OPRM1: variants seen among roughly 807,000 people sequenced by gnomAD.
OPRM1 encodes mu-type opioid receptor.
Under a neutral mutation model 31.8 loss-of-function variants are expected in OPRM1, and 27 were observed. The ratio of observed to expected loss-of-function variants is 0.85; its 90% CI spans 0.63 to 1.17. The LOEUF (loss-of-function observed/expected upper bound fraction) is 1.17. Ranked by LOEUF, OPRM1 falls within the 50% of genes most tolerant of loss-of-function variation. OPRM1 has a pLI of 0.00. For synonymous variants in OPRM1, 196 were observed against 189.9 expected (o/e 1.03, Z -0.26); for missense variants, 536 against 511.1 (o/e 1.05, Z -0.47).
In OPRM1 at chr6:154,141,527, G is replaced by A. The variant is rs529646885; in HGVS notation, c.1164+50055G>A. 2.0e-5 allele frequency among the ~76,000 whole-genome samples: 3 copies of A among 152,354 alleles called. No individual in the cohort carries two copies. In the South Asian group the frequency reaches 6.2e-4, roughly 32 times the overall value. On this transcript the variant is annotated intron_variant, in intron 3 of 3. Coordinates refer to the OPRM1 transcript ENST00000337049. ...TAATGTATCAAGTTTATCTTGCAGA[G>A]GTTGAGGATGTGCAGCTGTGACACA... is the stretch of plus-strand genomic sequence containing the variant.
chr6:154,212,886 T>C (rs1778078676), intron 3 of OPRM1: 4 of 1,440,300 alleles, frequency 2.8e-6, no homozygotes. Flanking sequence ...CTTAATGTTT[T>C]AACGCTGTCA....
intron 3 of OPRM1, among the ~76,000 whole-genome samples, chr6:154,232,411 G>A (rs1405385911): frequency 6.6e-6 from 1 of 152,200 alleles, no homozygotes; most frequent in East Asian, 1.9e-4. Context: ...ATATGCCAGT[G>A]AGGTAGTACT....
chr6:154,052,640 G>A (rs190593616), intron 1 of OPRM1, among the ~76,000 whole-genome samples: 2 of 152,282 alleles, frequency 1.3e-5, no homozygotes, highest in East Asian at 1.9e-4. Flanking sequence ...CTGCCCACAA[G>A]CTGTCATTTG....
exon 1 of OPRM1, chr6:154,010,651 T>C: frequency 6.7e-7 from 1 of 1,489,744 alleles, no homozygotes. Flanking sequence ...TCCTGAAAAC[T>C]CACTGGAAGA....
intron 1 of OPRM1, among the ~76,000 whole-genome samples, chr6:154,081,693 C>T (rs1007793191): frequency 6.6e-6 from 1 of 152,160 alleles, no homozygotes; most frequent in Non-Finnish European, 1.5e-5. Context: ...CCTACTTCGA[C>T]GTGGTCAGAG....
intron 1 of OPRM1, among the ~76,000 whole-genome samples, chr6:154,066,495 GA>G (rs1408676186): frequency 2.6e-5 from 4 of 151,900 alleles, no homozygotes; most frequent in Non-Finnish European, 5.9e-5. Context: ...GAGGTGTTAT[GA>G]ATTGAATTAT....
At position 154,120,864 on chromosome 6, in the gene OPRM1, T is replaced by C. The variant is rs571862741; in HGVS notation, c.*2143T>C. Among the ~76,000 whole-genome samples the C allele has an allele frequency of 6.6e-6, 1 of 152,322 alleles. No individual in the cohort carries two copies. Among genetic ancestry groups the C allele is most frequent in the Non-Finnish European group, 1.5e-5 (1 of 68,016 alleles). On this transcript the variant is annotated 3_prime_UTR_variant, in exon 4 of 4. Coordinates refer to ENST00000330432, the MANE Select transcript of OPRM1 (RefSeq NM_000914.5). ...TCTATCTTTTTCCACAAATGTCATG[T>C]GTGTGAACAAGTTTCTTCCATGTCA...
chr6:154,028,104 AT>A (rs1279386173), intron 1 of OPRM1, among the ~76,000 whole-genome samples: 1 of 152,184 alleles, frequency 6.6e-6, no homozygotes, highest in African/African-American at 2.4e-5. Flanking sequence ...ACTTGAAGCC[AT>A]CAAGTTTCCA....
chr6:154,114,162 C>T (rs73790433), intron 3 of OPRM1, among the ~76,000 whole-genome samples: 3 of 152,184 alleles, frequency 2.0e-5, no homozygotes, highest in Non-Finnish European at 4.4e-5. Flanking sequence ...AGATAAGGCA[C>T]GTATTGTCTC....
Position 154,122,611 on chromosome 6 carries a change from T to A in OPRM1, c.*3890T>A, listed in dbSNP as rs1039058317. Among the ~76,000 whole-genome samples the A allele has an allele frequency of 6.6e-6, 1 of 152,176 alleles. No homozygotes were observed. Among genetic ancestry groups the A allele is most frequent in the Non-Finnish European group, 1.5e-5 (1 of 68,014 alleles). ...AACCCATAGTCAGTGTTCTTCACTG[T>A]CTTCAAAAATATAAAAAGTACAAGG... On this transcript the variant is annotated 3_prime_UTR_variant, in exon 4 of 4. Transcript: ENST00000330432.
downstream of OPRM1, among the ~76,000 whole-genome samples, chr6:154,133,529 A>C (rs1797983985): frequency 6.6e-6 from 1 of 152,212 alleles, no homozygotes; most frequent in African/African-American, 2.4e-5. Context: ...ATTTGTCTGG[A>C]GTATTTATCT....
At chr6:154,210,929 A>C (rs1052495773) in intron 3 of OPRM1, among the ~76,000 whole-genome samples, 2 of 152,250 alleles carry the variant, frequency 1.3e-5, no homozygotes, top group Non-Finnish European at 2.9e-5. Flanking sequence ...GTGAAAAAAC[A>C]GTAGAGGTCA....
chr6:154,223,113 A>G, intron 3 of OPRM1: 1 of 1,312,180 alleles, frequency 7.6e-7, no homozygotes, highest in Admixed American at 1.7e-5. Context: ...CTTGGTGAAC[A>G]TTATGAAGAG....
At chr6:154,110,444 G>C in intron 3 of OPRM1, 2 of 1,412,510 alleles carry the variant, frequency 1.4e-6, no homozygotes, top group Non-Finnish European at 2.0e-6. Flanking sequence ...AAGAATATAA[G>C]ATTGGAAGCC....
chr6:154,119,018 C>G lies in OPRM1; in HGVS notation c.*297C>G, dbSNP rs928024956. 5.3e-6 allele frequency: 6 copies of G among 1,137,442 alleles called. No individual in the cohort carries two copies. The African/African-American group carries it at 9.6e-5, about 18-fold the overall frequency. The allele number at this position is 1,137,442 out of a possible 1,614,324, so 70.5% of individuals were successfully genotyped here. ...GAATTGAAGTCATCATAAAAGGTGA[C>G]CCTTCTGTCTGTAAGATTTTATTTT... On this transcript the variant is annotated 3_prime_UTR_variant, in exon 4 of 4. Coordinates refer to ENST00000330432, the MANE Select transcript of OPRM1 (RefSeq NM_000914.5).
intron 1 of OPRM1, among the ~76,000 whole-genome samples, chr6:154,019,918 G>C (rs1296684473): frequency 6.6e-6 from 1 of 151,820 alleles, no homozygotes; most frequent in Non-Finnish European, 1.5e-5. Context: ...ATTTTTTGTA[G>C]AGATGGGTTT....
rs111874435 is a variant in OPRM1, at chr6:154,230,056, T to C, written c.1165-16637T>C. Among the ~76,000 whole-genome samples, 380 of 151,922 alleles carry C rather than the reference T, an allele frequency of 2.5e-3. 2 individuals carry two copies. The highest frequency in any genetic ancestry group is 8.9e-3 in the African/African-American group (369 of 41,400). The stretch of plus-strand genomic sequence containing the variant: ...AAAGCAGGACGGTGGTTGCCTGCGG[T>C]TGGGGGTGGGAACTGACTGTAAATG... On this transcript the variant is annotated intron_variant, in intron 3 of 3. Transcript: ENST00000337049.
intron 3 of OPRM1, among the ~76,000 whole-genome samples, chr6:154,104,939 A>G (rs1331904933): frequency 2.0e-5 from 3 of 152,208 alleles, no homozygotes; most frequent in Non-Finnish European, 4.4e-5. Flanking sequence ...ACAGAAAATG[A>G]CGTTCTTTAC....
At chr6:154,110,951 A>T (rs1796299341) in intron 3 of OPRM1, among the ~76,000 whole-genome samples, 1 of 150,640 alleles carries the variant, frequency 6.6e-6, no homozygotes, top group African/African-American at 2.4e-5. Context: ...TGATTACACC[A>T]TTCAGACTCC....
Sources: allele counts gnomAD v4.1 joint callset (sites outside exome capture counted in the v4.1 genomes callset), GRCh38; gene constraint gnomAD v4.1.1; transcripts MANE v1.5; gene names NCBI Gene and HGNC (gene_info 2026-07-23, HGNC 2026-07-21).